CACNA1A: variants seen among roughly 807,000 people sequenced by gnomAD.
CACNA1A encodes the protein calcium voltage-gated channel subunit alpha1 A, also known as voltage-dependent P/Q-type calcium channel subunit alpha-1A.
In CACNA1A, 57 loss-of-function variants were observed where a neutral mutation model predicts 262.4. The ratio of observed to expected loss-of-function variants is 0.22; its 90% CI spans 0.18 to 0.27. The LOEUF (loss-of-function observed/expected upper bound fraction) is 0.27, where lower values mean the gene tolerates loss of function less well. Among genes scored for constraint, CACNA1A ranks in the 10% least tolerant of loss-of-function variants. CACNA1A has a pLI of 1.00. For missense variants in CACNA1A, 2,526 were observed against 3,562.8 expected, an observed-to-expected ratio of 0.71 and a Z score of 7.41; for synonymous variants, 1,431 against 1,419.3, an observed-to-expected ratio of 1.01 and a Z score of -0.18.
intron 3 of CACNA1A, among the ~76,000 whole-genome samples, chr19:13,432,047 G>C (rs796849871): frequency 1.5e-4 from 23 of 149,140 alleles, no homozygotes; most frequent in African/African-American, 5.5e-4. Flanking sequence ...TGAGGTTGCA[G>C]TGGGCTGAGA....
chr19:13,430,542 AG>A (rs2060488510), intron 3 of CACNA1A, among the ~76,000 whole-genome samples: 1 of 152,148 alleles, frequency 6.6e-6, no homozygotes, highest in South Asian at 2.1e-4. Flanking sequence ...GCACATGGAC[AG>A]GGGGTGAGGA....
intron 17 of CACNA1A, among the ~76,000 whole-genome samples, chr19:13,302,351 C>CT (rs895174194): frequency 6.6e-6 from 1 of 152,078 alleles, no homozygotes; most frequent in Non-Finnish European, 1.5e-5. Flanking sequence ...GGATTTTTGC[C>CT]TTTTTTTGTT....
In CACNA1A at chr19:13,298,861, C is replaced by G; in HGVS notation, c.2772G>C (p.Lys924Asn). The G allele has an allele frequency of 6.3e-7, 1 of 1,591,114 alleles. No homozygotes were observed. The highest frequency in any genetic ancestry group is 2.3e-5 in the East Asian group (1 of 44,342). The change falls in exon 19 of 47, where the codon AAG (lysine) becomes AAC (asparagine). Residue 924 changes from lysine to asparagine, a missense_variant. This residue lies in a region of CACNA1A where 765 missense variants were observed against 748.6 expected (regional missense o/e 1.02). Transcript: ENST00000360228. ...GFWEGEAERG[K>N]AGDPHRRHVH... is the part of the protein sequence containing the mutation. ...CGTGCCTCCGGTGGGGGTCCCCGGC[C>G]TTGCCTCGCTCGGCCTCGCCCTCCC...
intron 34 of CACNA1A, among the ~76,000 whole-genome samples, chr19:13,234,350 C>CAAAAAAAAAAA (rs71168693): frequency 1.4e-5 from 1 of 71,240 alleles, no homozygotes; most frequent in African/African-American, 5.8e-5. Context: ...ACTCCATCTC[C>CAAAAAAAAAAA]AAAAAAAAAA....
At chr19:13,335,279 C>T (rs1292155970) in intron 7 of CACNA1A, among the ~76,000 whole-genome samples, 5 of 152,076 alleles carry the variant, frequency 3.3e-5, no homozygotes, top group Non-Finnish European at 7.4e-5. Context: ...AGTGGCCATC[C>T]GGAGGGCGTG....
intron 15 of CACNA1A, 133 bp downstream of exon 15, chr19:13,307,649 T>G: frequency 1.5e-6 from 1 of 683,366 alleles, no homozygotes; most frequent in Non-Finnish European, 2.6e-6. Flanking sequence ...AACCATAAAA[T>G]CTGTGTTTCA....
At chr19:13,448,955 T>C in intron 3 of CACNA1A, among the ~76,000 whole-genome samples, 1 of 152,026 alleles carries the variant, frequency 6.6e-6, no homozygotes, top group East Asian at 1.9e-4. Context: ...TCTTTTCTTT[T>C]TTTTATTTTT....
intron 6 of CACNA1A, among the ~76,000 whole-genome samples, chr19:13,341,033 C>T (rs2058668459): frequency 6.6e-6 from 1 of 152,134 alleles, no homozygotes. Context: ...GATCGCACCA[C>T]TGCACTCCAG....
intron 10 of CACNA1A, among the ~76,000 whole-genome samples, chr19:13,319,876 G>A (rs1469724428): frequency 6.6e-6 from 1 of 152,172 alleles, no homozygotes; most frequent in Non-Finnish European, 1.5e-5. Context: ...CAGGCTGAGG[G>A]GGGTCTAGTA....
intron 3 of CACNA1A, among the ~76,000 whole-genome samples, chr19:13,429,062 T>C (rs1481964457): frequency 6.6e-6 from 1 of 151,968 alleles, no homozygotes; most frequent in Non-Finnish European, 1.5e-5. Flanking sequence ...TCTTTAGATT[T>C]GCTGACCACC....
chr19:13,401,033 A>G (rs2059891911), intron 3 of CACNA1A, among the ~76,000 whole-genome samples: 1 of 152,102 alleles, frequency 6.6e-6, no homozygotes, highest in Non-Finnish European at 1.5e-5. Context: ...CATGTTGGCC[A>G]GGCTGGTCTT....
At position 13,308,734 on chromosome 19, in the gene CACNA1A, T is replaced by C; in HGVS notation, c.1669-206A>G. 2.0e-6 allele frequency: 1 copy of C among 494,620 alleles called. No individual in the cohort carries two copies. The highest frequency in any genetic ancestry group is 3.2e-5 in the South Asian group (1 of 31,736). The allele number at this position is 494,620 out of a possible 1,614,324, so 30.6% of individuals were successfully genotyped here. A position where few individuals can be genotyped will look rare whatever the true frequency, so the allele number is the denominator to read the frequency against. ...CTGTGTCACCCAGGCTGGAGTGCAGTGGCGCAATCATAGCTCACTGCAGCA... is the reference window on the plus strand; with the variant it reads ...CTGTGTCACCCAGGCTGGAGTGCAGCGGCGCAATCATAGCTCACTGCAGCA... On this transcript the variant is annotated intron_variant, in intron 12 of 46. Transcript: ENST00000360228. The surrounding 1 kb of genome is among the most constrained non-coding windows in gnomAD (Gnocchi z 4.2).
intron 3 of CACNA1A, among the ~76,000 whole-genome samples, chr19:13,427,129 G>A (rs1446248245): frequency 6.6e-6 from 1 of 152,016 alleles, no homozygotes; most frequent in African/African-American, 2.4e-5. Flanking sequence ...ACAGACACAG[G>A]GAAAATGGAA....
At position 13,227,359 on chromosome 19, in the gene CACNA1A, T is replaced by TA. The variant is rs527479319; in HGVS notation, c.5625+71dup. 2,863 of 603,084 alleles carry TA rather than the reference T, an allele frequency of 4.7e-3. 39 individuals are homozygous for TA. The African/African-American group carries it at 0.051, about 11-fold the overall frequency. The allele number at this position is 603,084 out of a possible 1,614,324, so 37.4% of individuals were successfully genotyped here. Reference sequence around the variant, plus strand: ...TCGGCCGGGTGTTTCTGGTCAGCACTAAAAAAAAAGAAGAAGAAGAAGAAA... The same window carrying TA: ...TCGGCCGGGTGTTTCTGGTCAGCACTAAAAAAAAAAGAAGAAGAAGAAGAAA... On this transcript the variant is annotated intron_variant, in intron 37 of 46. Coordinates refer to ENST00000360228, the MANE Select transcript of CACNA1A (RefSeq NM_001127222.2).
intron 24 of CACNA1A, among the ~76,000 whole-genome samples, chr19:13,270,241 T>C (rs1033411977): frequency 6.6e-6 from 1 of 152,094 alleles, no homozygotes; most frequent in Non-Finnish European, 1.5e-5. Flanking sequence ...CTAAAGGACT[T>C]GCACATCTAG....
intron 1 of CACNA1A, among the ~76,000 whole-genome samples, chr19:13,484,823 A>G (rs1979783335): frequency 6.6e-6 from 1 of 152,220 alleles, no homozygotes; most frequent in East Asian, 1.9e-4. Context: ...GAGGCCCACT[A>G]AAGACTCAGT....
intron 15 of CACNA1A, 109 bp from the exon 16 acceptor site, chr19:13,303,993 G>T: frequency 1.3e-6 from 1 of 750,264 alleles, no homozygotes; most frequent in South Asian, 1.6e-5. Flanking sequence ...AGCCCAGGAG[G>T]TCTTTAACAA....
Position 13,236,024 on chromosome 19 carries a change from G to A in CACNA1A, c.4951-294C>T. On this transcript the variant is annotated intron_variant, in intron 31 of 46. Transcript: ENST00000360228. The surrounding 1 kb of genome is among the most constrained non-coding windows in gnomAD (Gnocchi z 4.6). ...GGAAAAGAAAAGAAAAAGAAAGGAG[G>A]AAAAAGGAACGGGGATGGGGAAGAA... is the stretch of plus-strand genomic sequence containing the variant. 3.0e-6 allele frequency: 1 copy of A among 334,446 alleles called. No individual in the cohort carries two copies. The highest frequency in any genetic ancestry group is 5.4e-6 in the Non-Finnish European group (1 of 185,678). 20.7% of individuals were successfully genotyped at this position (334,446 alleles called of 1,614,324 possible). A position where few individuals can be genotyped will look rare whatever the true frequency, so the allele number is the denominator to read the frequency against.
At chr19:13,440,970 T>C (rs2060708683) in intron 3 of CACNA1A, among the ~76,000 whole-genome samples, 1 of 152,292 alleles carries the variant, frequency 6.6e-6, no homozygotes, top group African/African-American at 2.4e-5. Flanking sequence ...CACACCCAGA[T>C]AATTTTTGCT....
Sources: gnomAD v4.1 joint callset for allele counts (sites outside exome capture counted in the v4.1 genomes callset) on GRCh38, gnomAD v4.1.1 for gene constraint, gnomAD v4.1.1 regional missense constraint, Gnocchi (gnomAD v3.1) non-coding constraint, MANE v1.5 for transcripts, NCBI Gene and HGNC (gene_info 2026-07-23, HGNC 2026-07-21) for gene names.